The following RFTN1 variants were observed in gnomAD, a reference collection of about 807,000 sequenced individuals.
RFTN1 encodes raftlin, lipid raft linker 1.
In RFTN1, 26 loss-of-function variants were observed where a neutral mutation model predicts 46.5. That is an observed-to-expected ratio of 0.56 (90% CI 0.41 to 0.78). The LOEUF (loss-of-function observed/expected upper bound fraction) is 0.78. Among genes scored for constraint, RFTN1 ranks in the 30% least tolerant of loss-of-function variants. The pLI is 0.00. For missense variants in RFTN1, 693 were observed against 718.7 expected (o/e 0.96, Z 0.41); for synonymous variants, 261 against 284.2 (o/e 0.92, Z 0.82).
chr3:16,335,301 G>A lies in RFTN1; in HGVS notation c.1147-8425C>T, dbSNP rs561082630. 3.5e-4 allele frequency among the ~76,000 whole-genome samples: 54 copies of A among 152,320 alleles called. No homozygotes were observed. Among genetic ancestry groups the A allele is most frequent in the African/African-American group, 1.2e-3 (50 of 41,572 alleles). ...GAGGGCTGGATTTCCTTGTGAGGGG[G>A]TGAGCAGAAGATGAACGAAAATGGG... On this transcript the variant is annotated intron_variant, in intron 7 of 9. Coordinates refer to ENST00000334133, the MANE Select transcript of RFTN1 (RefSeq NM_015150.2). This position sits in a 1 kb window ranked among gnomAD's most constrained non-coding sequence, Gnocchi z 4.7.
chr3:16,482,933 G>T, intron 2 of RFTN1: 3 of 1,036,932 alleles, frequency 2.9e-6, no homozygotes, highest in South Asian at 3.0e-5. Context: ...ACCCAACTCT[G>T]ACCCTGGGGC....
chr3:16,432,776 C>T (rs1358459329), intron 3 of RFTN1, among the ~76,000 whole-genome samples: 22 of 152,108 alleles, frequency 1.4e-4, no homozygotes, highest in Admixed American at 1.2e-3. Context: ...ATTCTGGGTT[C>T]GAGCAAAAAC....
At position 16,498,575 on chromosome 3, in the gene RFTN1, T is replaced by C. The variant is rs2076660114; in HGVS notation, c.-8-4698A>G. Among the ~76,000 whole-genome samples the C allele has an allele frequency of 6.6e-6, 1 of 152,244 alleles. No individual in the cohort carries two copies. The highest frequency in any genetic ancestry group is 3.2e-3 in the Middle Eastern group (1 of 316). ...ATCTCAAATTTTAGAGACTGATTTC[T>C]CTGGAGTGCGTGCAACCCTGGCTAA... On this transcript the variant is annotated intron_variant, in intron 1 of 9. Coordinates refer to ENST00000334133, the MANE Select transcript of RFTN1 (RefSeq NM_015150.2). This position sits in a 1 kb window ranked among gnomAD's most constrained non-coding sequence, Gnocchi z 5.2.
Position 16,341,303 on chromosome 3 carries a change from G to C in RFTN1, c.1147-14427C>G, listed in dbSNP as rs1388267886. On this transcript the variant is annotated intron_variant, in intron 7 of 9. Transcript: ENST00000334133. This position sits in a 1 kb window ranked among gnomAD's most constrained non-coding sequence, Gnocchi z 4.7. ...TATGATCCAGCAATCATACTCCTTG[G>C]TATTTACCCAAATAAGCTGAAAACT... Among the ~76,000 whole-genome samples the C allele has an allele frequency of 6.6e-6, 1 of 152,162 alleles. No homozygotes were observed. The highest frequency in any genetic ancestry group is 2.4e-5 in the African/African-American group (1 of 41,428).
rs1320762936 is a variant in RFTN1 at position 16,407,258 on chromosome 3, C to T, written c.441+2117G>A. 6.6e-6 allele frequency among the ~76,000 whole-genome samples: 1 copy of T among 152,234 alleles called. No homozygotes were observed. Among genetic ancestry groups the T allele is most frequent in the Non-Finnish European group, 1.5e-5 (1 of 68,040 alleles). ...AGTGCAGTGGTGCAATCATAGCTCA[C>T]TGTGGTCTCAAACTCCTGGGCTCAA... is the stretch of plus-strand genomic sequence containing the variant. On this transcript the variant is annotated intron_variant, in intron 4 of 9. Transcript: ENST00000334133. This position sits in a 1 kb window ranked among gnomAD's most constrained non-coding sequence, Gnocchi z 4.0.
rs1179225694 is a variant in RFTN1, at chr3:16,422,603, C to T, written c.332+11248G>A. Among the ~76,000 whole-genome samples the T allele has an allele frequency of 6.6e-6, 1 of 151,342 alleles. No homozygotes were observed. The highest frequency in any genetic ancestry group is 1.5e-5 in the Non-Finnish European group (1 of 67,912). ...CCGAGATTGTGCCACTGCACTCCAG[C>T]CTGGTGACAAAGCGAGACTCCGTCT... On this transcript the variant is annotated intron_variant, in intron 3 of 9. Coordinates refer to ENST00000334133, the MANE Select transcript of RFTN1 (RefSeq NM_015150.2). The surrounding 1 kb of genome is among the most constrained non-coding windows in gnomAD (Gnocchi z 4.6).
At position 16,336,024 on chromosome 3, in the gene RFTN1, C is replaced by T. The variant is rs1224731779; in HGVS notation, c.1147-9148G>A. Among the ~76,000 whole-genome samples, 2 of 152,096 alleles carry T rather than the reference C, an allele frequency of 1.3e-5. No individual in the cohort carries two copies. Among genetic ancestry groups the T allele is most frequent in the African/African-American group, 2.4e-5 (1 of 41,402 alleles). ...AGCACACGCTGGCTATAGCGGCACT[C>T]GAGGAGGGTAGAGGTCCTGTTCTCC... is the stretch of plus-strand genomic sequence containing the variant. On this transcript the variant is annotated intron_variant, in intron 7 of 9. Transcript: ENST00000334133. The surrounding 1 kb of genome is among the most constrained non-coding windows in gnomAD (Gnocchi z 6.0).
intron 1 of RFTN1, among the ~76,000 whole-genome samples, chr3:16,510,744 C>A (rs551651631): frequency 1.3e-4 from 20 of 152,182 alleles, no homozygotes; most frequent in Non-Finnish European, 2.8e-4. Flanking sequence ...CATATATCTC[C>A]TTTTTGACCC....
intron 2 of RFTN1, among the ~76,000 whole-genome samples, chr3:16,456,282 C>A (rs2075903197): frequency 6.6e-6 from 1 of 152,118 alleles, no homozygotes; most frequent in Non-Finnish European, 1.5e-5. Flanking sequence ...CAGGGCTGTT[C>A]TTTTCAAAAG....
intron 1 of RFTN1, among the ~76,000 whole-genome samples, chr3:16,495,004 A>G (rs890251452): frequency 1.3e-5 from 2 of 152,236 alleles, no homozygotes; most frequent in Non-Finnish European, 2.9e-5. Context: ...TGAACCTCAG[A>G]AAAGCAACGA....
rs1001365080 is a variant in RFTN1 at position 16,484,624 on chromosome 3, TAGA to T, written c.145+9098_145+9100del. On this transcript the variant is annotated intron_variant, in intron 2 of 9. Coordinates refer to ENST00000334133, the MANE Select transcript of RFTN1 (RefSeq NM_015150.2). This position sits in a 1 kb window ranked among gnomAD's most constrained non-coding sequence, Gnocchi z 4.6. ...ATAAGGAGGAACTTAAGAATAGAAA[TAGA>T]AGAAGACAAGCTTGAGAAAGGGGCA... The T allele has an allele frequency of 5.9e-5, 9 of 152,168 alleles. No homozygotes were observed. Among genetic ancestry groups the T allele is most frequent in the East Asian group, 1.9e-4 (1 of 5,202 alleles). 9.4% of individuals were successfully genotyped at this position (152,168 alleles called of 1,614,324 possible). A position where few individuals can be genotyped will look rare whatever the true frequency, so the allele number is the denominator to read the frequency against.
rs1218256818 is a variant in RFTN1 at position 16,458,959 on chromosome 3, A to G, written c.146-24922T>C. On this transcript the variant is annotated intron_variant, in intron 2 of 9. Transcript: ENST00000334133. The surrounding 1 kb of genome is among the most constrained non-coding windows in gnomAD (Gnocchi z 5.1). ...TCCTTTCTTTTCTTTTCCTTGAGAC[A>G]GCGTCTCACTCTGTCACCAGGTTGG... Among the ~76,000 whole-genome samples, 1 of 152,160 alleles carries G rather than the reference A, an allele frequency of 6.6e-6. No homozygotes were observed. The highest frequency in any genetic ancestry group is 1.9e-4 in the East Asian group (1 of 5,202).
chr3:16,438,923 C>T (rs567564702), intron 2 of RFTN1, among the ~76,000 whole-genome samples: 6 of 152,200 alleles, frequency 3.9e-5, no homozygotes, highest in South Asian at 2.1e-4. Context: ...GCTCCCAAAT[C>T]GGTGCACTAA....
intron 3 of RFTN1, among the ~76,000 whole-genome samples, chr3:16,414,738 G>A (rs1475430511): frequency 1.3e-5 from 2 of 152,140 alleles, no homozygotes; most frequent in Non-Finnish European, 2.9e-5. Flanking sequence ...GTGAAATTTG[G>A]AATAAAGACT....
At chr3:16,505,743 A>T (rs981303296) in intron 1 of RFTN1, among the ~76,000 whole-genome samples, 2 of 152,240 alleles carry the variant, frequency 1.3e-5, no homozygotes, top group Non-Finnish European at 2.9e-5. Flanking sequence ...TGCCTAAAAA[A>T]TAACTCACAG....
At chr3:16,354,930 C>T (rs918138104) in intron 7 of RFTN1, among the ~76,000 whole-genome samples, 7 of 152,226 alleles carry the variant, frequency 4.6e-5, no homozygotes, top group African/African-American at 1.4e-4. Flanking sequence ...ACAATTTAGC[C>T]AAGTTCTTTG....
chr3:16,328,317 A>G (rs898473448), intron 7 of RFTN1, among the ~76,000 whole-genome samples: 5 of 152,340 alleles, frequency 3.3e-5, no homozygotes, highest in East Asian at 3.9e-4. Context: ...GCGCGTGACC[A>G]TGGTCTGGAG....
At chr3:16,347,708 A>G (rs1204859570) in intron 7 of RFTN1, 3 of 152,256 alleles carry the variant, frequency 2.0e-5, no homozygotes, top group Admixed American at 2.0e-4. Flanking sequence ...GGGTCAGAGG[A>G]GAGAGGAGGA....
chr3:16,432,290 G>A (rs1186594312), intron 3 of RFTN1, among the ~76,000 whole-genome samples: 2 of 152,102 alleles, frequency 1.3e-5, no homozygotes, highest in Non-Finnish European at 2.9e-5. Context: ...GGCCTATGTG[G>A]GAAACTCTCT....
Sources: gnomAD v4.1 joint callset for allele counts (sites outside exome capture counted in the v4.1 genomes callset) on GRCh38, gnomAD v4.1.1 for gene constraint, Gnocchi (gnomAD v3.1) non-coding constraint, MANE v1.5 for transcripts, NCBI Gene and HGNC (gene_info 2026-07-23, HGNC 2026-07-21) for gene names.